Variants in ASNS observed in about 807,000 individuals in gnomAD.
ASNS encodes asparagine synthetase [glutamine-hydrolyzing].
In ASNS, 37 loss-of-function variants were observed where a neutral mutation model predicts 62.6. The ratio of observed to expected loss-of-function variants is 0.59; its 90% CI spans 0.45 to 0.78. The LOEUF (loss-of-function observed/expected upper bound fraction) is 0.78. Among genes scored for constraint, ASNS ranks in the 30% least tolerant of loss-of-function variants. The pLI is 0.00. For missense variants in ASNS, 520 were observed against 682.4 expected, an observed-to-expected ratio of 0.76 and a Z score of 2.65; for synonymous variants, 207 against 237.9, an observed-to-expected ratio of 0.87 and a Z score of 1.19.
chr7:97,928,179 C>A, the ASNS span: 6 of 1,530,398 alleles, frequency 3.9e-6, no homozygotes, highest in South Asian at 4.8e-5. Flanking sequence ...TGCGCTTCCC[C>A]CCTCCAGCAA....
chr7:97,870,098 A>C (rs17345759), intron 1 of ASNS: 20,233 of 385,522 alleles, frequency 0.052, 682 homozygotes, highest in Non-Finnish European at 0.068. Flanking sequence ...TTCCAATTTC[A>C]AATTCTCAAC....
chr7:97,901,173 T>G, the ASNS span, among the ~76,000 whole-genome samples: 1 of 152,152 alleles, frequency 6.6e-6, no homozygotes, highest in Non-Finnish European at 1.5e-5. Context: ...TGTGTTAGAG[T>G]CAACTCTGAG....
At position 97,852,254 on chromosome 7, in the gene ASNS, A is replaced by G; in HGVS notation, c.*5T>C. On this transcript the variant is annotated 3_prime_UTR_variant, in exon 13 of 13. Coordinates refer to ENST00000394308, the MANE Select transcript of ASNS (RefSeq NM_001673.5). ...TTTGCTTTCACATTACAGCATAAAG[A>G]CCACCTAAGCTTTGACAGCTGACTT... 1.2e-6 allele frequency: 2 copies of G among 1,614,030 alleles called. No homozygotes were observed. Among genetic ancestry groups the G allele is most frequent in the Non-Finnish European group, 1.7e-6 (2 of 1,179,994 alleles).
the ASNS span, among the ~76,000 whole-genome samples, chr7:97,910,673 C>T: frequency 2.6e-5 from 4 of 151,824 alleles, no homozygotes; most frequent in Admixed American, 6.6e-5. Flanking sequence ...GCAATCTCAG[C>T]TCACTGCAAC....
chr7:97,868,179 G>A (rs1481053218), intron 3 of ASNS, among the ~76,000 whole-genome samples: 2 of 152,090 alleles, frequency 1.3e-5, no homozygotes, highest in African/African-American at 4.8e-5. Flanking sequence ...ATGGTGGCAG[G>A]TGCCTGTAGT....
At chr7:97,891,612 TC>T in the ASNS span, among the ~76,000 whole-genome samples, 1 of 152,224 alleles carries the variant, frequency 6.6e-6, no homozygotes, top group South Asian at 2.1e-4. Flanking sequence ...ACACAGTCAT[TC>T]CAAATGGCAG....
At chr7:97,914,151 C>G in the ASNS span, among the ~76,000 whole-genome samples, 1 of 125,054 alleles carries the variant, frequency 8.0e-6, no homozygotes, top group Admixed American at 8.7e-5. Flanking sequence ...TGGATGGATG[C>G]ATGGATGGAT....
chr7:97,858,833 G>T (rs1478149572), intron 6 of ASNS, 21 bp downstream of exon 6: 2 of 1,567,878 alleles, frequency 1.3e-6, no homozygotes, highest in Non-Finnish European at 8.7e-7. Context: ...AATATAATTA[G>T]GTTTTTTTAA....
chr7:97,888,460 G>A, the ASNS span, among the ~76,000 whole-genome samples: 4 of 151,982 alleles, frequency 2.6e-5, no homozygotes, highest in Non-Finnish European at 4.4e-5. Context: ...AGTTTTACTG[G>A]AATAAAACCA....
chr7:97,896,894 G>A, the ASNS span, among the ~76,000 whole-genome samples: 1 of 150,396 alleles, frequency 6.6e-6, no homozygotes, highest in Non-Finnish European at 1.5e-5. Context: ...TTTCAAGAAA[G>A]CTGTCAAGAA....
the ASNS span, among the ~76,000 whole-genome samples, chr7:97,910,242 C>T: frequency 6.6e-6 from 1 of 152,178 alleles, no homozygotes; most frequent in Non-Finnish European, 1.5e-5. Flanking sequence ...TGGGAGTGAG[C>T]TCCAGGAACT....
the ASNS span, chr7:97,908,987 G>T: frequency 6.6e-6 from 1 of 152,180 alleles, no homozygotes; most frequent in Non-Finnish European, 1.5e-5. Flanking sequence ...CCTCAAGGAA[G>T]TTGGCTGTAC....
the ASNS span, among the ~76,000 whole-genome samples, chr7:97,902,029 A>G: frequency 1.3e-5 from 2 of 152,204 alleles, no homozygotes; most frequent in Non-Finnish European, 2.9e-5. Context: ...TAATGTGTAT[A>G]TGGACAATAT....
At chr7:97,912,170 C>A in the ASNS span, among the ~76,000 whole-genome samples, 2 of 152,216 alleles carry the variant, frequency 1.3e-5, no homozygotes, top group African/African-American at 4.8e-5. Context: ...TGCCCAGGTT[C>A]TCCTAGCTTG....
At chr7:97,854,975 C>CTTTT in intron 9 of ASNS, 1 of 244,344 alleles carries the variant, frequency 4.1e-6, no homozygotes, top group Non-Finnish European at 7.6e-6. Flanking sequence ...TTATTTTTAA[C>CTTTT]TTTTTTTTTT....
the ASNS span, among the ~76,000 whole-genome samples, chr7:97,885,456 C>T: frequency 3.3e-5 from 5 of 152,322 alleles, no homozygotes; most frequent in East Asian, 9.6e-4. Flanking sequence ...GGAAGAAGTG[C>T]CAGACTGTGT....
chr7:97,866,982 C>T (rs763308018), intron 3 of ASNS, among the ~76,000 whole-genome samples: 1 of 152,238 alleles, frequency 6.6e-6, no homozygotes, highest in Non-Finnish European at 1.5e-5. Context: ...ATCTACCTTA[C>T]CCACCTCTTT....
rs139318320 is a variant in ASNS, at chr7:97,853,171, G to A, written c.1365C>T (p.Ser455=). The A allele has an allele frequency of 2.8e-5, 45 of 1,611,194 alleles. No individual in the cohort carries two copies. The highest frequency in any genetic ancestry group is 3.7e-5 in the Non-Finnish European group (44 of 1,178,968). ...AGAGAATCTCTTTGGGTATCAGATT[G>A]GAATCCTCAAACGTCTCTCTCAGGA... The part of the protein sequence containing the change: ...KHLLRETFED[S]NLIPKEILWR... The change falls in exon 12 of 13, where the codon TCC becomes TCT. Residue 455 remains serine, a synonymous_variant. Coordinates refer to ENST00000394308, the MANE Select transcript of ASNS (RefSeq NM_001673.5).
the ASNS span, among the ~76,000 whole-genome samples, chr7:97,905,158 G>A: frequency 6.6e-6 from 1 of 152,110 alleles, no homozygotes; most frequent in African/African-American, 2.4e-5. Flanking sequence ...CGCCACTCTA[G>A]CTACATCATG....
Sources: allele counts gnomAD v4.1 joint callset (sites outside exome capture counted in the v4.1 genomes callset), GRCh38; gene constraint gnomAD v4.1.1; transcripts MANE v1.5; gene names NCBI Gene and HGNC (gene_info 2026-07-23, HGNC 2026-07-21).